KANSL1L: variants seen among roughly 807,000 people sequenced by gnomAD.
The protein encoded by KANSL1L is KAT8 regulatory NSL complex subunit 1-like protein.
KANSL1L carries 25 observed loss-of-function variants against 108.6 expected under a neutral mutation model. That is an observed-to-expected ratio of 0.23 (90% CI 0.17 to 0.32). The LOEUF (loss-of-function observed/expected upper bound fraction) is 0.32, where lower values mean the gene tolerates loss of function less well. Among genes scored for constraint, KANSL1L ranks in the 10% least tolerant of loss-of-function variants. The pLI is 1.00. For synonymous variants in KANSL1L, 405 were observed against 395.1 expected (o/e 1.03, Z -0.30); for missense variants, 1,137 against 1,125.7 (o/e 1.01, Z -0.14).
chr2:210,037,243 A>G (rs1330893517), intron 8 of KANSL1L, among the ~76,000 whole-genome samples: 1 of 151,640 alleles, frequency 6.6e-6, no homozygotes, highest in Admixed American at 6.6e-5. Flanking sequence ...CACATACTCT[A>G]TTACTTTTTC....
At chr2:210,141,306 T>C (rs1255428737) in intron 2 of KANSL1L, among the ~76,000 whole-genome samples, 2 of 152,166 alleles carry the variant, frequency 1.3e-5, no homozygotes, top group Non-Finnish European at 2.9e-5. Flanking sequence ...GAGTAGGTGG[T>C]ATCATCTGAA....
At chr2:210,148,940 T>G (rs2095283773) in intron 2 of KANSL1L, among the ~76,000 whole-genome samples, 1 of 152,076 alleles carries the variant, frequency 6.6e-6, no homozygotes, top group African/African-American at 2.4e-5. Flanking sequence ...TGCATTTTAC[T>G]TATCAACTTT....
chr2:210,028,040 C>G (rs2093961379), intron 11 of KANSL1L, among the ~76,000 whole-genome samples: 1 of 152,196 alleles, frequency 6.6e-6, no homozygotes, highest in Non-Finnish European at 1.5e-5. Flanking sequence ...TTTTCTGTCT[C>G]TACTTCCTGG....
intron 8 of KANSL1L, among the ~76,000 whole-genome samples, chr2:210,039,323 CT>C (rs1359011896): frequency 6.6e-6 from 1 of 151,886 alleles, no homozygotes; most frequent in Non-Finnish European, 1.5e-5. Flanking sequence ...TCTCACTGAA[CT>C]TTTGAAGTAG....
intron 6 of KANSL1L, among the ~76,000 whole-genome samples, chr2:210,046,045 T>A (rs1319229133): frequency 6.6e-6 from 1 of 152,206 alleles, no homozygotes; most frequent in Non-Finnish European, 1.5e-5. Flanking sequence ...GACAAAGGTC[T>A]ACTTTCTCAC....
intron 11 of KANSL1L, among the ~76,000 whole-genome samples, chr2:210,027,855 CAA>C (rs1185249521): frequency 2.0e-5 from 3 of 152,138 alleles, no homozygotes; most frequent in Non-Finnish European, 4.4e-5. Context: ...GTCATAGCCA[CAA>C]ATGTTATTAC....
rs768506150 is a variant in KANSL1L at position 210,025,208 on chromosome 2, A to G, written c.2460T>C (p.Asp820=). 6.5e-7 allele frequency: 1 copy of G among 1,537,600 alleles called. No homozygotes were observed. The highest frequency in any genetic ancestry group is 9.0e-7 in the Non-Finnish European group (1 of 1,110,148). The part of the protein sequence containing the change: ...EYNLGKEEIE[D]LSDEVFSLRH... Reference sequence around the variant, plus strand: ...TTAGGGAGAAGACTTCATCAGAAAGATCTTCTATCTGGAATTAGAAATAAA... The same window carrying G: ...TTAGGGAGAAGACTTCATCAGAAAGGTCTTCTATCTGGAATTAGAAATAAA... The change falls in exon 13 of 15, where the codon GAT becomes GAC. Residue 820 remains aspartate, a synonymous_variant. Transcript: ENST00000281772.
intron 5 of KANSL1L, among the ~76,000 whole-genome samples, chr2:210,093,191 G>A (rs540122285): frequency 6.6e-6 from 1 of 152,274 alleles, no homozygotes; most frequent in South Asian, 2.1e-4. Context: ...TGTCACCCAG[G>A]CTGAAGGGCA....
At chr2:210,153,366 T>TAAA (rs368253256) in intron 2 of KANSL1L, 129 bp downstream of exon 2, 6 of 596,668 alleles carry the variant, frequency 1.0e-5, no homozygotes, top group Admixed American at 3.9e-5. Context: ...AAATAAAAAT[T>TAAA]AAAAAAAAAA....
chr2:210,086,548 T>C (rs1362882903), intron 5 of KANSL1L, among the ~76,000 whole-genome samples: 1 of 149,820 alleles, frequency 6.7e-6, no homozygotes, highest in Non-Finnish European at 1.5e-5. Flanking sequence ...AAATAAAAGA[T>C]AGGAGTTAGT....
At chr2:210,146,281 G>A (rs561659334) in intron 2 of KANSL1L, among the ~76,000 whole-genome samples, 30 of 152,130 alleles carry the variant, frequency 2.0e-4, no homozygotes, top group Middle Eastern at 6.8e-3. Flanking sequence ...TTAAACATTT[G>A]AGCCCTCCCA....
chr2:210,155,965 T>C (rs1176681322), intron 1 of KANSL1L, among the ~76,000 whole-genome samples: 1 of 151,854 alleles, frequency 6.6e-6, no homozygotes, highest in Non-Finnish European at 1.5e-5. Flanking sequence ...ACAAAAATGA[T>C]CAAGAAGAAA....
chr2:210,163,920 C>T (rs1453586414), intron 1 of KANSL1L, among the ~76,000 whole-genome samples: 1 of 151,850 alleles, frequency 6.6e-6, no homozygotes, highest in Non-Finnish European at 1.5e-5. Context: ...AAATACTATC[C>T]AAAATGGTAA....
At position 210,087,335 on chromosome 2, in the gene KANSL1L, T is replaced by C. The variant is rs188143906; in HGVS notation, c.1550+10751A>G. Among the ~76,000 whole-genome samples the C allele has an allele frequency of 2.2e-3, 339 of 152,296 alleles. 2 individuals carry two copies. Among genetic ancestry groups the C allele is most frequent in the African/African-American group, 7.9e-3 (327 of 41,574 alleles). On this transcript the variant is annotated intron_variant, in intron 5 of 14. Coordinates refer to ENST00000281772, the MANE Select transcript of KANSL1L (RefSeq NM_152519.4). ...TGCCTGGCCATCCTCTTGTTGCTTT[T>C]AAGAGAGGCCTTCTCTCTTACAGAT...
At chr2:210,076,390 T>C (rs947550141) in intron 5 of KANSL1L, among the ~76,000 whole-genome samples, 1 of 152,192 alleles carries the variant, frequency 6.6e-6, no homozygotes, top group African/African-American at 2.4e-5. Context: ...TTTCACCATG[T>C]TGGCCAGGCT....
intron 3 of KANSL1L, among the ~76,000 whole-genome samples, chr2:210,114,489 G>A (rs918944799): frequency 1.3e-5 from 2 of 152,096 alleles, no homozygotes; most frequent in Admixed American, 6.5e-5. Context: ...TGAAATGAAA[G>A]ACGTAGATAG....
rs1265811274 is a variant in KANSL1L, at chr2:210,098,224, A to G, written c.1429-17T>C. 6.2e-7 allele frequency: 1 copy of G among 1,604,648 alleles called. No homozygotes were observed. The highest frequency in any genetic ancestry group is 1.1e-5 in the South Asian group (1 of 89,520). Reference sequence around the variant, plus strand: ...CTGTGCACTCTGCAAGGAAACAGTCAACCTTTTACTACTGCTAAGCAAGAA... The same window carrying G: ...CTGTGCACTCTGCAAGGAAACAGTCGACCTTTTACTACTGCTAAGCAAGAA... On this transcript the variant is annotated splice_polypyrimidine_tract_variant and intron_variant, in intron 4 of 14. Coordinates refer to ENST00000281772, the MANE Select transcript of KANSL1L (RefSeq NM_152519.4).
chr2:210,105,469 G>C (rs1005292394), intron 3 of KANSL1L, among the ~76,000 whole-genome samples: 1 of 149,876 alleles, frequency 6.7e-6, no homozygotes, highest in Non-Finnish European at 1.5e-5. Flanking sequence ...CTATATTATT[G>C]TAATAAAAAA....
rs376574464 is a variant in KANSL1L at position 210,023,121 on chromosome 2, A to G, written c.2792T>C (p.Leu931Ser). 2 of 1,614,010 alleles carry G rather than the reference A, an allele frequency of 1.2e-6. No individual in the cohort carries two copies. Among genetic ancestry groups the G allele is most frequent in the East Asian group, 4.5e-5 (2 of 44,870 alleles). ...PLKGEDMAAL[L>S]CQDEKKDQVE... The stretch of plus-strand genomic sequence containing the variant: ...CTGATCCTTTTTTTCATCTTGACAT[A>G]ATAAGGCTGCCATGTCTTCACCCTT... Residue 931 changes from leucine to serine, a missense_variant, in exon 15 of 15, where the codon TTA becomes TCA. Physicochemically the swap from Leu to Ser is moderately radical, Grantham distance 145. Transcript: ENST00000281772.
Sources: allele counts gnomAD v4.1 joint callset (sites outside exome capture counted in the v4.1 genomes callset), GRCh38; gene constraint gnomAD v4.1.1; transcripts MANE v1.5; gene names NCBI Gene and HGNC (gene_info 2026-07-23, HGNC 2026-07-21).